PZP: variants seen among roughly 807,000 people sequenced by gnomAD.
PZP encodes pregnancy zone protein.
In PZP, 150 loss-of-function variants were observed where a neutral mutation model predicts 179.8. The observed-to-expected ratio is 0.83, with a 90% CI of 0.73 to 0.96. The LOEUF (loss-of-function observed/expected upper bound fraction) is 0.96, where lower values mean the gene tolerates loss of function less well. Ranked by LOEUF, PZP falls within the 40% of genes least tolerant of loss-of-function variation. The probability of loss-of-function intolerance (pLI) is 0.00; values close to 1 mark genes in which losing one functional copy is unlikely to be tolerated. For synonymous variants in PZP, 624 were observed against 652.3 expected (o/e 0.96, Z 0.66); for missense variants, 1,689 against 1,764.0 (o/e 0.96, Z 0.76).
At position 9,159,872 on chromosome 12, in the gene PZP, A is replaced by T. The variant is rs1422134916; in HGVS notation, c.3137+66T>A. On this transcript the variant is annotated intron_variant, in intron 25 of 35. Coordinates refer to ENST00000261336, the MANE Select transcript of PZP (RefSeq NM_002864.3). ...GTTATAAGCAACAGAAAATGGACTA[A>T]GACAGGTAATCTATGTGCACGTTCT... 2.2e-6 allele frequency: 3 copies of T among 1,370,054 alleles called. No homozygotes were observed. The East Asian group carries it at 6.9e-5, about 31-fold the overall frequency. 84.9% of individuals were successfully genotyped at this position (1,370,054 alleles called of 1,614,324 possible). A position where few individuals can be genotyped will look rare whatever the true frequency, so the allele number is the denominator to read the frequency against.
chr12:9,162,087 A>G (rs752007491), intron 22 of PZP, among the ~76,000 whole-genome samples: 1 of 151,892 alleles, frequency 6.6e-6, no homozygotes, highest in South Asian at 2.1e-4. Flanking sequence ...CCAGCCCCCC[A>G]TGTAGCTGGG....
intron 29 of PZP, 62 bp from the exon 30 acceptor site, chr12:9,153,405 C>A (rs766261042): frequency 6.9e-5 from 98 of 1,430,042 alleles, no homozygotes; most frequent in Non-Finnish European, 8.9e-5. Flanking sequence ...GGATTTTCCC[C>A]CAAAGTCTGT....
At chr12:9,192,842 C>G in intron 11 of PZP, 103 bp from the exon 12 acceptor site, 1 of 725,306 alleles carries the variant, frequency 1.4e-6, no homozygotes, top group Non-Finnish European at 2.3e-6. Flanking sequence ...CTCTAAAATA[C>G]ACTATGCCTC....
intron 13 of PZP, among the ~76,000 whole-genome samples, chr12:9,188,393 A>G (rs1210764663): frequency 3.9e-5 from 6 of 152,230 alleles, no homozygotes; most frequent in Admixed American, 2.6e-4. Context: ...ACAGCCATCT[A>G]TGACAAACCC....
At chr12:9,187,374 A>C (rs1268180450) in intron 13 of PZP, among the ~76,000 whole-genome samples, 1 of 152,144 alleles carries the variant, frequency 6.6e-6, no homozygotes, top group Non-Finnish European at 1.5e-5. Flanking sequence ...AAACAACAAC[A>C]CATACATTCT....
chr12:9,143,288 T>C, the PZP span, among the ~76,000 whole-genome samples: 1 of 152,162 alleles, frequency 6.6e-6, no homozygotes, highest in East Asian at 1.9e-4. Flanking sequence ...CCTTCGACCC[T>C]AGCCACTTCC....
intron 15 of PZP, among the ~76,000 whole-genome samples, chr12:9,172,111 A>G (rs920050893): frequency 1.3e-5 from 2 of 152,228 alleles, no homozygotes; most frequent in African/African-American, 2.4e-5. Context: ...AGTCACCTAC[A>G]AAAGGAAACA....
chr12:9,141,859 C>T, the PZP span, among the ~76,000 whole-genome samples: 2 of 152,202 alleles, frequency 1.3e-5, no homozygotes, highest in African/African-American at 4.8e-5. Flanking sequence ...TAAGGTCCGA[C>T]TTATTCCAGC....
chr12:9,185,889 C>T (rs930254336), intron 13 of PZP, among the ~76,000 whole-genome samples: 1 of 150,770 alleles, frequency 6.6e-6, no homozygotes, highest in Non-Finnish European at 1.5e-5. Context: ...CTCACTGCAA[C>T]CCCCACCTCC....
chr12:9,171,851 C>A (rs1942026026), intron 15 of PZP, among the ~76,000 whole-genome samples: 1 of 152,004 alleles, frequency 6.6e-6, no homozygotes, highest in Admixed American at 6.5e-5. Context: ...GTAAAAAGAC[C>A]AAACCTATGA....
At chr12:9,141,330 A>G in the PZP span, among the ~76,000 whole-genome samples, 2 of 152,222 alleles carry the variant, frequency 1.3e-5, no homozygotes, top group Admixed American at 6.5e-5. Context: ...CTAAACCTTT[A>G]TATTAGTGTG....
At position 9,192,127 on chromosome 12, in the gene PZP, CTG is replaced by C. The variant is rs141656366; in HGVS notation, c.1546+64_1546+65del. 1.5e-3 allele frequency: 1,993 copies of C among 1,351,050 alleles called. 1 individual carries two copies. Among genetic ancestry groups the C allele is most frequent in the Non-Finnish European group, 2.0e-3 (1,863 of 943,970 alleles). The allele number at this position is 1,351,050 out of a possible 1,614,324, so 83.7% of individuals were successfully genotyped here. A position where few individuals can be genotyped will look rare whatever the true frequency, so the allele number is the denominator to read the frequency against. On this transcript the variant is annotated intron_variant, in intron 13 of 35. Coordinates refer to ENST00000261336, the MANE Select transcript of PZP (RefSeq NM_002864.3). ...ATGGAAACGATTTCCCATTTATGAA[CTG>C]TCACCGAGGGAAGGGTAAGGATGTG...
In PZP at chr12:9,152,816, C is replaced by T. The variant is rs770448039; in HGVS notation, c.4121+8G>A. On this transcript the variant is annotated splice_region_variant and intron_variant, in intron 31 of 35. Coordinates refer to ENST00000261336, the MANE Select transcript of PZP (RefSeq NM_002864.3). ...CCAAAGATAGGTGATTAGGTTAGAA[C>T]GTCTTACCTGATGGTCAGTGAGATC... The T allele has an allele frequency of 6.2e-6, 10 of 1,613,594 alleles. No individual in the cohort carries two copies. Among genetic ancestry groups the T allele is most frequent in the Middle Eastern group, 1.6e-4 (1 of 6,078 alleles).
chr12:9,166,222 T>G lies in PZP; in HGVS notation c.2108-20A>C. ...GACCTGCTAAAGTAAGAGAAAATTGTCTAGTTAGGGAAAAACATTCATTAA... is the reference window on the plus strand; with the variant it reads ...GACCTGCTAAAGTAAGAGAAAATTGGCTAGTTAGGGAAAAACATTCATTAA... On this transcript the variant is annotated intron_variant, in intron 17 of 35. Coordinates refer to ENST00000261336, the MANE Select transcript of PZP (RefSeq NM_002864.3). 1.2e-6 allele frequency: 2 copies of G among 1,606,356 alleles called. No individual in the cohort carries two copies. Among genetic ancestry groups the G allele is most frequent in the Non-Finnish European group, 1.7e-6 (2 of 1,177,930 alleles).
chr12:9,158,810 C>T (rs1006301157), intron 25 of PZP, among the ~76,000 whole-genome samples: 2 of 132,226 alleles, frequency 1.5e-5, no homozygotes, highest in Non-Finnish European at 3.2e-5. Context: ...ACCAGCTTGT[C>T]CTTGCTTCCT....
chr12:9,144,773 A>G (rs764110026), downstream of PZP, among the ~76,000 whole-genome samples: 66 of 152,238 alleles, frequency 4.3e-4, no homozygotes, highest in African/African-American at 1.5e-3. Flanking sequence ...TGGGGCTGAC[A>G]TCTCTCTGGC....
chr12:9,144,102 G>A (rs1366936745), downstream of PZP, among the ~76,000 whole-genome samples: 2 of 152,170 alleles, frequency 1.3e-5, no homozygotes, highest in Admixed American at 6.5e-5. Context: ...CTGGATTAGT[G>A]TCCAATATTG....
rs1233516893 is a variant in PZP, at chr12:9,157,229, G to C, written c.3496C>G (p.Gln1166Glu). Residue 1166 changes from glutamine to glutamate, a missense_variant, in exon 28 of 36, where the codon CAA becomes GAA. This residue lies in a region of PZP where 746 missense variants were observed against 749.2 expected (regional missense o/e 1.00). Transcript: ENST00000261336. The stretch of plus-strand genomic sequence containing the variant: ...TTCAGTATTTCTCTATTCTGATTTT[G>C]CTTTCCCAGTAGGGAAAAAGCATAG... ...LAYAFSLLGK[Q>E]NQNREILNSL... The C allele has an allele frequency of 1.2e-6, 2 of 1,614,050 alleles. No individual in the cohort carries two copies. The highest frequency in any genetic ancestry group is 2.2e-5 in the South Asian group (2 of 91,068).
At chr12:9,168,792 A>G in intron 17 of PZP, 77 bp downstream of exon 17, 1 of 1,098,716 alleles carries the variant, frequency 9.1e-7, no homozygotes, top group East Asian at 2.4e-5. Flanking sequence ...ATAGGGCTAC[A>G]TTACCTCATT....
Sources: allele counts gnomAD v4.1 joint callset (sites outside exome capture counted in the v4.1 genomes callset), GRCh38; gene constraint gnomAD v4.1.1; regional missense constraint gnomAD v4.1.1; transcripts MANE v1.5; gene names NCBI Gene and HGNC (gene_info 2026-07-23, HGNC 2026-07-21).